OSBPL9: variants seen among roughly 807,000 people sequenced by gnomAD.
OSBPL9 encodes oxysterol-binding protein-related protein 9.
In OSBPL9, 40 loss-of-function variants were observed where a neutral mutation model predicts 106.6. The ratio of observed to expected loss-of-function variants is 0.38; its 90% confidence interval spans 0.29 to 0.49. The LOEUF is 0.49. Ranked by LOEUF, OSBPL9 falls within the 20% of genes least tolerant of loss-of-function variation. OSBPL9 has a pLI of 0.97. For missense variants in OSBPL9, 609 were observed against 887.2 expected, an observed-to-expected ratio of 0.69 and a Z score of 3.98; for synonymous variants, 269 against 295.4, an observed-to-expected ratio of 0.91 and a Z score of 0.92.
the OSBPL9 span, among the ~76,000 whole-genome samples, chr1:51,552,125 T>G: frequency 2.0e-5 from 3 of 152,116 alleles, no homozygotes; most frequent in African/African-American, 7.2e-5. Context: ...CACAGCAAAT[T>G]ATGAGGTTTG....
chr1:51,605,779 G>A (rs1376898200), intron 2 of OSBPL9, among the ~76,000 whole-genome samples: 2 of 152,130 alleles, frequency 1.3e-5, no homozygotes, highest in East Asian at 1.9e-4. Flanking sequence ...TCAGGAGTCC[G>A]AGACCAGCCT....
intron 1 of OSBPL9, among the ~76,000 whole-genome samples, chr1:51,649,910 T>C (rs1646408736): frequency 1.3e-5 from 2 of 152,122 alleles, no homozygotes; most frequent in Non-Finnish European, 2.9e-5. Flanking sequence ...GGTTTTGCTC[T>C]GTCACCCAGG....
At chr1:51,637,872 C>T (rs189406896) in intron 1 of OSBPL9, among the ~76,000 whole-genome samples, 9 of 152,270 alleles carry the variant, frequency 5.9e-5, no homozygotes, top group Admixed American at 5.9e-4. Context: ...CATCAAGATG[C>T]AGTATCTCCA....
chr1:51,685,387 A>G (rs188140682), intron 3 of OSBPL9, among the ~76,000 whole-genome samples: 2 of 152,248 alleles, frequency 1.3e-5, no homozygotes, highest in Admixed American at 6.5e-5. Context: ...ATTCTCCAAG[A>G]AAATGCTTAC....
the OSBPL9 span, among the ~76,000 whole-genome samples, chr1:51,546,321 G>A: frequency 6.6e-6 from 1 of 151,926 alleles, no homozygotes; most frequent in Non-Finnish European, 1.5e-5. Context: ...CAGGCTATAA[G>A]ACAAAAATAT....
At chr1:51,697,021 G>A (rs917495822) in intron 3 of OSBPL9, among the ~76,000 whole-genome samples, 5 of 151,966 alleles carry the variant, frequency 3.3e-5, no homozygotes, top group African/African-American at 7.3e-5. Flanking sequence ...TTAGCTGGGC[G>A]TAGTGGCTTG....
Position 51,592,166 on chromosome 1 carries a change from G to A in OSBPL9, c.-422-5958G>A, listed in dbSNP as rs185724308. On this transcript the variant is annotated intron_variant, in intron 1 of 25. Coordinates refer to the OSBPL9 transcript ENST00000371714. ...GTCTCGCTCTGTCGCCCAGGCTGGA[G>A]TGCAGTGGCGCAATCTCGGCTCACT... Among the ~76,000 whole-genome samples, 18 of 139,334 alleles carry A rather than the reference G, an allele frequency of 1.3e-4. 1 individual carries two copies. The East Asian group carries it at 3.9e-3, about 30-fold the overall frequency. The allele number at this position is 139,334 out of a possible 152,430, so 91.4% of individuals were successfully genotyped here.
At chr1:51,583,114 T>C (rs1645229992) in intron 1 of OSBPL9, among the ~76,000 whole-genome samples, 1 of 151,866 alleles carries the variant, frequency 6.6e-6, no homozygotes, top group African/African-American at 2.4e-5. Flanking sequence ...TATATAAATA[T>C]ATAATATAAT....
At chr1:51,597,818 A>G (rs901236848) in intron 1 of OSBPL9, among the ~76,000 whole-genome samples, 1 of 152,206 alleles carries the variant, frequency 6.6e-6, no homozygotes, top group Admixed American at 6.5e-5. Flanking sequence ...GGGAGTGTCA[A>G]AATTGCAATT....
At chr1:51,692,018 G>A (rs780242033) in intron 3 of OSBPL9, among the ~76,000 whole-genome samples, 2 of 152,094 alleles carry the variant, frequency 1.3e-5, no homozygotes, top group Non-Finnish European at 2.9e-5. Flanking sequence ...CTAAAATAAA[G>A]ATAAAAAGGC....
chr1:51,689,022 G>A (rs1379765502), intron 3 of OSBPL9, among the ~76,000 whole-genome samples: 3 of 152,130 alleles, frequency 2.0e-5, no homozygotes, highest in Non-Finnish European at 4.4e-5. Flanking sequence ...TGTTTACCAG[G>A]AATATTATAA....
At chr1:51,536,451 G>A in the OSBPL9 span, among the ~76,000 whole-genome samples, 9 of 152,144 alleles carry the variant, frequency 5.9e-5, no homozygotes, top group African/African-American at 1.9e-4. Flanking sequence ...AGCTAGTACC[G>A]CAGGCACGCA....
At chr1:51,629,240 A>T in intron 1 of OSBPL9, among the ~76,000 whole-genome samples, 1 of 152,040 alleles carries the variant, frequency 6.6e-6, no homozygotes, top group East Asian at 1.9e-4. Context: ...TTATTGCTTT[A>T]TTTTGTTTCT....
At chr1:51,539,107 C>G in the OSBPL9 span, among the ~76,000 whole-genome samples, 5 of 152,306 alleles carry the variant, frequency 3.3e-5, no homozygotes, top group South Asian at 4.1e-4. Flanking sequence ...TCCCAGACCT[C>G]TCTTCTGGTC....
intron 2 of OSBPL9, among the ~76,000 whole-genome samples, chr1:51,601,167 G>C (rs1411116512): frequency 6.6e-6 from 1 of 152,210 alleles, no homozygotes; most frequent in South Asian, 2.1e-4. Context: ...AGTTGTACCA[G>C]CATTGCCCTG....
chr1:51,695,148 T>A (rs1002215059), intron 3 of OSBPL9, among the ~76,000 whole-genome samples: 1 of 152,206 alleles, frequency 6.6e-6, no homozygotes, highest in East Asian at 1.9e-4. Context: ...AAATATTTAC[T>A]CGAGGGTCAA....
At chr1:51,784,186 A>AG in intron 18 of OSBPL9, 78 bp from the exon 19 acceptor site, 1 of 1,489,102 alleles carries the variant, frequency 6.7e-7, no homozygotes, top group Non-Finnish European at 9.4e-7. Flanking sequence ...AGTATCCTGG[A>AG]GTAACCATCA....
At chr1:51,617,308 T>C in intron 1 of OSBPL9, 87 bp downstream of exon 1, 3 of 1,363,798 alleles carry the variant, frequency 2.2e-6, no homozygotes, top group Non-Finnish European at 2.0e-6. Flanking sequence ...GGTGGCTGAG[T>C]TGAGGTTGCT....
intron 1 of OSBPL9, among the ~76,000 whole-genome samples, chr1:51,620,235 T>C (rs903452972): frequency 2.6e-5 from 4 of 152,114 alleles, no homozygotes; most frequent in African/African-American, 9.7e-5. Flanking sequence ...AAAGAAGATA[T>C]GGAAGGAAGG....
Sources: gnomAD v4.1 joint callset for allele counts (sites outside exome capture counted in the v4.1 genomes callset) on GRCh38, gnomAD v4.1.1 for gene constraint, MANE v1.5 for transcripts, NCBI Gene and HGNC (gene_info 2026-07-23, HGNC 2026-07-21) for gene names.